The following SHANK2 variants were observed in gnomAD, a reference collection of about 807,000 sequenced individuals.
The protein encoded by SHANK2 is SH3 and multiple ankyrin repeat domains protein 2.
A neutral mutation model predicts 133.7 loss-of-function variants in SHANK2; 43 were observed. The ratio of observed to expected loss-of-function variants is 0.32; its 90% CI spans 0.25 to 0.41. SHANK2 has a LOEUF of 0.41. Among genes scored for constraint, SHANK2 ranks in the 10% least tolerant of loss-of-function variants. The pLI is 1.00. For synonymous variants in SHANK2, 1,017 were observed against 952.8 expected, an observed-to-expected ratio of 1.07 and a Z score of -1.24; for missense variants, 1,994 against 2,235.8, an observed-to-expected ratio of 0.89 and a Z score of 2.18.
intron 1 of SHANK2, among the ~76,000 whole-genome samples, chr11:71,242,347 A>G (rs1954905310): frequency 6.6e-6 from 1 of 152,264 alleles, no homozygotes; most frequent in Non-Finnish European, 1.5e-5. Context: ...TTAATGCCTC[A>G]GAACTACACA....
At position 70,879,382 on chromosome 11, in the gene SHANK2, C is replaced by A. The variant is rs531867924; in HGVS notation, c.1174+17119G>T. ...CCGATATTTGAAATCCCAAAAGGCACTTCAAGAAAGGACTCTCGATTCTCT... is the reference window on the plus strand; with the variant it reads ...CCGATATTTGAAATCCCAAAAGGCAATTCAAGAAAGGACTCTCGATTCTCT... On this transcript the variant is annotated intron_variant, in intron 11 of 25. Coordinates refer to ENST00000601538, the MANE Select transcript of SHANK2 (RefSeq NM_012309.5). Among the ~76,000 whole-genome samples, 4 of 152,342 alleles carry A rather than the reference C, an allele frequency of 2.6e-5. No homozygotes were observed. The South Asian group carries it at 6.2e-4, about 24-fold the overall frequency.
At chr11:70,871,494 GC>G (rs1209287581) in intron 11 of SHANK2, among the ~76,000 whole-genome samples, 1 of 152,206 alleles carries the variant, frequency 6.6e-6, no homozygotes, top group Non-Finnish European at 1.5e-5. Context: ...ACGTGCTGAG[GC>G]CACATCTGTG....
At chr11:70,820,771 G>A (rs1948501688) in intron 11 of SHANK2, 89 bp from the exon 12 acceptor site, 5 of 588,424 alleles carry the variant, frequency 8.5e-6, no homozygotes, top group Non-Finnish European at 1.5e-5. Flanking sequence ...AGGCCTGCGT[G>A]CGTCCAAGCC....
At chr11:70,902,156 C>A (rs1025565911) in intron 10 of SHANK2, among the ~76,000 whole-genome samples, 5 of 152,232 alleles carry the variant, frequency 3.3e-5, no homozygotes, top group Admixed American at 3.3e-4. Flanking sequence ...GAGCAGCAGG[C>A]GGCCACCCGG....
intron 10 of SHANK2, among the ~76,000 whole-genome samples, chr11:70,940,957 C>T (rs530057409): frequency 8.5e-5 from 13 of 152,210 alleles, no homozygotes; most frequent in Admixed American, 2.0e-4. Context: ...ATGATGACCA[C>T]GGGACTGGCC....
intron 17 of SHANK2, among the ~76,000 whole-genome samples, chr11:70,629,094 G>A (rs2060943248): frequency 6.6e-6 from 1 of 152,184 alleles, no homozygotes. Flanking sequence ...GCTCACTGCA[G>A]CCTGAATTCA....
intron 17 of SHANK2, chr11:70,604,854 GC>G: frequency 6.6e-6 from 1 of 152,502 alleles, no homozygotes; most frequent in Non-Finnish European, 1.5e-5. Context: ...TGGGACGGAA[GC>G]CCCAGTGGCC....
intron 1 of SHANK2, among the ~76,000 whole-genome samples, chr11:71,250,086 A>G (rs3020033): frequency 1 from 151,749 of 152,184 alleles, 75,658 homozygotes; most frequent in East Asian, 1. Flanking sequence ...GAGACAGTAC[A>G]CAGAAAGATC....
chr11:70,923,818 G>A (rs76952799), intron 10 of SHANK2, among the ~76,000 whole-genome samples: 1,952 of 152,142 alleles, frequency 0.013, 40 homozygotes, highest in African/African-American at 0.043. Context: ...CTCCCAAGGC[G>A]CTGGGATGAC....
intron 17 of SHANK2, among the ~76,000 whole-genome samples, chr11:70,614,362 G>A (rs1471264461): frequency 6.6e-6 from 1 of 151,538 alleles, no homozygotes; most frequent in Non-Finnish European, 1.5e-5. Flanking sequence ...TGGGGCTGGA[G>A]TGCAGTGGCG....
At chr11:70,661,938 G>T (rs1591720501) in intron 15 of SHANK2, 1 of 845,020 alleles carries the variant, frequency 1.2e-6, no homozygotes, top group Non-Finnish European at 1.9e-6. Flanking sequence ...GGAGGAAGGA[G>T]TCATACATGG....
intron 2 of SHANK2, among the ~76,000 whole-genome samples, chr11:71,203,384 A>G (rs187277264): frequency 2.6e-5 from 4 of 152,334 alleles, no homozygotes; most frequent in Admixed American, 2.6e-4. Context: ...TCAAACCAAG[A>G]TTTGATCCTG....
intron 17 of SHANK2, among the ~76,000 whole-genome samples, chr11:70,537,629 C>G (rs1554974393): frequency 1.3e-5 from 2 of 152,244 alleles, no homozygotes; most frequent in Non-Finnish European, 2.9e-5. Flanking sequence ...GCTCCCAGGA[C>G]TGTAGGGGAA....
chr11:71,180,536 A>T (rs1953534239), intron 2 of SHANK2, among the ~76,000 whole-genome samples: 1 of 152,130 alleles, frequency 6.6e-6, no homozygotes, highest in South Asian at 2.1e-4. Flanking sequence ...GTGAAAGTCT[A>T]GGTTGCAAAG....
intron 1 of SHANK2, among the ~76,000 whole-genome samples, chr11:71,233,680 T>C (rs1954781962): frequency 6.6e-6 from 1 of 152,200 alleles, no homozygotes; most frequent in Admixed American, 6.5e-5. Flanking sequence ...TTCTAGGAAA[T>C]TTTAACGGCA....
intron 25 of SHANK2, among the ~76,000 whole-genome samples, chr11:70,476,910 G>C (rs534619408): frequency 1.3e-5 from 2 of 152,234 alleles, no homozygotes; most frequent in African/African-American, 4.8e-5. Context: ...TCACGCCTGG[G>C]CAGTATTCAC....
chr11:71,226,491 C>T (rs1954646855), intron 1 of SHANK2: 1 of 152,110 alleles, frequency 6.6e-6, no homozygotes, highest in South Asian at 2.1e-4. Context: ...AAAATTCACA[C>T]CAATATACAT....
intron 17 of SHANK2, among the ~76,000 whole-genome samples, chr11:70,651,189 C>T (rs1487879926): frequency 6.6e-6 from 1 of 152,228 alleles, no homozygotes; most frequent in African/African-American, 2.4e-5. Context: ...AGTCCCATGG[C>T]ATCTGAGCAC....
chr11:70,554,295 C>T (rs138041792), intron 17 of SHANK2, among the ~76,000 whole-genome samples: 1 of 152,286 alleles, frequency 6.6e-6, no homozygotes, highest in Non-Finnish European at 1.5e-5. Context: ...TCTCAGATGG[C>T]CTCAAAAGTC....
Sources: gnomAD v4.1 joint callset for allele counts (sites outside exome capture counted in the v4.1 genomes callset) on GRCh38, gnomAD v4.1.1 for gene constraint, MANE v1.5 for transcripts, NCBI Gene and HGNC (gene_info 2026-07-23, HGNC 2026-07-21) for gene names.